PAXIP1: variants seen among roughly 807,000 people sequenced by gnomAD.
The protein encoded by PAXIP1 is PAX interacting protein 1, also known as PAX-interacting protein 1.
A neutral mutation model predicts 140.6 loss-of-function variants in PAXIP1; 19 were observed. The ratio of observed to expected loss-of-function variants is 0.14; its 90% CI spans 0.09 to 0.20. The LOEUF (loss-of-function observed/expected upper bound fraction) is 0.20, where lower values mean the gene tolerates loss of function less well. Among genes scored for constraint, PAXIP1 ranks in the 10% least tolerant of loss-of-function variants. PAXIP1 has a pLI of 1.00. For missense variants in PAXIP1, 920 were observed against 1,208.6 expected, an observed-to-expected ratio of 0.76 and a Z score of 3.54; for synonymous variants, 442 against 444.6, an observed-to-expected ratio of 0.99 and a Z score of 0.07.
At position 154,968,733 on chromosome 7, in the gene PAXIP1, G is replaced by C; in HGVS notation, c.1468C>G (p.Pro490Ala). The change falls in exon 7 of 21, where the codon CCC becomes GCC. Residue 490 changes from proline (P) to alanine (A), a missense_variant. Around this residue, in one of 5 missense-constraint regions of PAXIP1, gnomAD observed 133 missense variants for 88.4 expected, o/e 1.50. Coordinates refer to ENST00000404141, the MANE Select transcript of PAXIP1 (RefSeq NM_007349.4). The part of the protein sequence containing the change: ...QLHRPQQQLQ[P>A]FQQQHALQQQ... ...TGCAGGGCATGCTGCTGCTGAAAGG[G>C]CTGGAGCTGCTGCTGAGGGCGATGC... The C allele has an allele frequency of 1.4e-6, 1 of 718,762 alleles. No homozygotes were observed. Among genetic ancestry groups the C allele is most frequent in the Non-Finnish European group, 2.6e-6 (1 of 385,364 alleles). The allele number at this position is 718,762 out of a possible 1,614,324, so 44.5% of individuals were successfully genotyped here.
At chr7:154,958,236 G>A (rs1808616131) in intron 13 of PAXIP1, among the ~76,000 whole-genome samples, 1 of 152,160 alleles carries the variant, frequency 6.6e-6, no homozygotes, top group Non-Finnish European at 1.5e-5. Context: ...GAGCAGGAAG[G>A]AGATGGGATT....
chr7:154,951,669 T>C (rs1474237045), intron 16 of PAXIP1: 1 of 152,176 alleles, frequency 6.6e-6, no homozygotes, highest in Non-Finnish European at 1.5e-5. Flanking sequence ...CAACCAAAAC[T>C]TCCCATTAAA....
chr7:154,980,521 C>T (rs1421207195), intron 5 of PAXIP1, among the ~76,000 whole-genome samples: 3 of 152,054 alleles, frequency 2.0e-5, no homozygotes, highest in African/African-American at 7.2e-5. Flanking sequence ...CTCAAGCAAT[C>T]CTTCCGTCTC....
Position 154,956,918 on chromosome 7 carries a change from A to C in PAXIP1, c.2549+306T>G. The C allele has an allele frequency of 4.4e-6, 1 of 226,334 alleles. No individual in the cohort carries two copies. The highest frequency in any genetic ancestry group is 1.1e-4 in the East Asian group (1 of 9,058). 14.0% of individuals were successfully genotyped at this position (226,334 alleles called of 1,614,324 possible). On this transcript the variant is annotated intron_variant, in intron 14 of 20. Transcript: ENST00000404141. This position sits in a 1 kb window ranked among gnomAD's most constrained non-coding sequence, Gnocchi z 4.2. ...CAGGAGGCCTGGGGCTCCGTGGTCT[A>C]TCTCTGAGCTGGGTTCTAGACCTCC... is the stretch of plus-strand genomic sequence containing the variant.
At chr7:154,989,884 T>C (rs771424483) in intron 4 of PAXIP1, among the ~76,000 whole-genome samples, 1 of 152,214 alleles carries the variant, frequency 6.6e-6, no homozygotes, top group Admixed American at 6.5e-5. Flanking sequence ...GCTAGACTAC[T>C]GTGTAAGTAT....
intron 6 of PAXIP1, among the ~76,000 whole-genome samples, chr7:154,970,940 C>T (rs568522184): frequency 6.6e-6 from 1 of 152,296 alleles, no homozygotes; most frequent in South Asian, 2.1e-4. Flanking sequence ...AATAAATGCC[C>T]GTCTGCAGGT....
Position 154,963,891 on chromosome 7 carries a change from T to C in PAXIP1, c.1894-125A>G. ...TTATATCATGTATTTCCTCAAAGTATCAAGGACATGTAACAGTTCTATTTA... is the reference window on the plus strand; with the variant it reads ...TTATATCATGTATTTCCTCAAAGTACCAAGGACATGTAACAGTTCTATTTA... On this transcript the variant is annotated intron_variant, in intron 8 of 20. Coordinates refer to ENST00000404141, the MANE Select transcript of PAXIP1 (RefSeq NM_007349.4). This position sits in a 1 kb window ranked among gnomAD's most constrained non-coding sequence, Gnocchi z 4.1. 1.4e-6 allele frequency: 1 copy of C among 689,778 alleles called. No homozygotes were observed. The allele number at this position is 689,778 out of a possible 1,614,324, so 42.7% of individuals were successfully genotyped here.
intron 6 of PAXIP1, among the ~76,000 whole-genome samples, chr7:154,975,245 TAA>T (rs1367750075): frequency 6.6e-5 from 10 of 151,922 alleles, no homozygotes; most frequent in African/African-American, 2.4e-4. Context: ...CCATGCTATA[TAA>T]ACTGTAACCT....
rs151109227 is a variant in PAXIP1, at chr7:154,973,823, C to T, written c.1074+1873G>A. 1.3e-4 allele frequency among the ~76,000 whole-genome samples: 20 copies of T among 152,326 alleles called. No homozygotes were observed. Among genetic ancestry groups the T allele is most frequent in the South Asian group, 6.2e-4 (3 of 4,828 alleles). ...AAGTGGATGTGGAGAATACTGGATCCGGCTTCAGGTTGTTCCTATATGCTA... is the reference window on the plus strand; with the variant it reads ...AAGTGGATGTGGAGAATACTGGATCTGGCTTCAGGTTGTTCCTATATGCTA... On this transcript the variant is annotated intron_variant, in intron 6 of 20. Coordinates refer to ENST00000404141, the MANE Select transcript of PAXIP1 (RefSeq NM_007349.4). This position sits in a 1 kb window ranked among gnomAD's most constrained non-coding sequence, Gnocchi z 4.0.
intron 8 of PAXIP1, among the ~76,000 whole-genome samples, chr7:154,966,972 C>G (rs550211437): frequency 3.9e-5 from 6 of 152,290 alleles, no homozygotes; most frequent in East Asian, 1.9e-4. Flanking sequence ...AATCCTCCCC[C>G]CTAATTCTCA....
At chr7:154,995,644 G>A (rs1398967371) in intron 2 of PAXIP1, among the ~76,000 whole-genome samples, 2 of 152,170 alleles carry the variant, frequency 1.3e-5, no homozygotes. Flanking sequence ...GAGGTGACAG[G>A]TTCGAGACCA....
chr7:154,975,646 T>G (rs1432146220), intron 6 of PAXIP1, 50 bp downstream of exon 6: 2 of 1,270,000 alleles, frequency 1.6e-6, no homozygotes. Context: ...GACTGTGAAA[T>G]CCAATTCTAA....
At chr7:154,976,836 A>G (rs376291012) in intron 5 of PAXIP1, among the ~76,000 whole-genome samples, 3 of 152,250 alleles carry the variant, frequency 2.0e-5, no homozygotes, top group South Asian at 2.1e-4. Flanking sequence ...TATGGAGCTC[A>G]TGCTATATGC....
At chr7:154,975,303 TTAC>T (rs1809519640) in intron 6 of PAXIP1, among the ~76,000 whole-genome samples, 1 of 152,228 alleles carries the variant, frequency 6.6e-6, no homozygotes. Flanking sequence ...TGTTATTTAT[TTAC>T]TACCATGAAG....
At position 154,963,810 on chromosome 7, in the gene PAXIP1, A is replaced by G; in HGVS notation, c.1894-44T>C. 1 of 1,304,256 alleles carries G rather than the reference A, an allele frequency of 7.7e-7. No homozygotes were observed. The highest frequency in any genetic ancestry group is 1.1e-6 in the Non-Finnish European group (1 of 906,684). The allele number at this position is 1,304,256 out of a possible 1,614,324, so 80.8% of individuals were successfully genotyped here. ...CCAATGCAGTCATCAATCACTCAGA[A>G]TAGAGGAGAATTCCAATTTCAAATA... On this transcript the variant is annotated intron_variant, in intron 8 of 20. Coordinates refer to ENST00000404141, the MANE Select transcript of PAXIP1 (RefSeq NM_007349.4). This position sits in a 1 kb window ranked among gnomAD's most constrained non-coding sequence, Gnocchi z 4.1.
In PAXIP1 at chr7:154,946,766, A is replaced by G. The variant is rs958617978; in HGVS notation, c.2970T>C (p.Thr990=). The change falls in exon 18 of 21, where the codon ACT becomes ACC. Residue 990 remains threonine, a synonymous_variant. Transcript: ENST00000404141. This position sits in a 1 kb window ranked among gnomAD's most constrained non-coding sequence, Gnocchi z 4.9. ...CTGCACACTCTACGATTGCCTTCAT[A>G]GTGGAAAGACTTGGGCAGATTCCAG... ...ITPGICPSLS[T]MKAIVECAGG... The G allele has an allele frequency of 1.2e-6, 2 of 1,612,174 alleles. No individual in the cohort carries two copies. The highest frequency in any genetic ancestry group is 1.7e-6 in the Non-Finnish European group (2 of 1,178,848).
chr7:154,982,922 A>G (rs1487804240), intron 5 of PAXIP1, among the ~76,000 whole-genome samples: 1 of 152,226 alleles, frequency 6.6e-6, no homozygotes, highest in Non-Finnish European at 1.5e-5. Context: ...AACAAATAAA[A>G]ATGAACCAAA....
At position 154,944,109 on chromosome 7, in the gene PAXIP1, C is replaced by T. The variant is rs754348980; in HGVS notation, c.*40G>A. ...TCCTCGCCAGCCAGACAGCCAGCCC[C>T]GCACCGCAGGAGTCGACATGCACGG... On this transcript the variant is annotated 3_prime_UTR_variant, in exon 21 of 21. Transcript: ENST00000404141. The T allele has an allele frequency of 2.2e-5, 35 of 1,609,328 alleles. No homozygotes were observed. Among genetic ancestry groups the T allele is most frequent in the East Asian group, 1.1e-4 (5 of 44,808 alleles).
chr7:154,981,939 A>T (rs879761952), intron 5 of PAXIP1, among the ~76,000 whole-genome samples: 8 of 152,222 alleles, frequency 5.3e-5, no homozygotes, highest in South Asian at 2.1e-4. Context: ...ACGCTAAATT[A>T]AGGCACTAGA....
Sources: allele counts gnomAD v4.1 joint callset (sites outside exome capture counted in the v4.1 genomes callset), GRCh38; gene constraint gnomAD v4.1.1; regional missense constraint gnomAD v4.1.1; non-coding constraint Gnocchi (gnomAD v3.1); transcripts MANE v1.5; gene names NCBI Gene and HGNC (gene_info 2026-07-23, HGNC 2026-07-21).